GDAP1L1: variants seen among roughly 807,000 people sequenced by gnomAD.
The protein encoded by GDAP1L1 is ganglioside-induced differentiation-associated protein 1-like 1.
GDAP1L1 carries 21 observed loss-of-function variants against 37.1 expected under a neutral mutation model. That is an observed-to-expected ratio of 0.57 (90% CI 0.40 to 0.81). The LOEUF is 0.81. Ranked by LOEUF, GDAP1L1 falls within the 40% of genes least tolerant of loss-of-function variation. GDAP1L1 has a pLI of 0.00. For synonymous variants in GDAP1L1, 193 were observed against 209.1 expected (o/e 0.92, Z 0.67); for missense variants, 362 against 491.6 (o/e 0.74, Z 2.49).
chr20:44,269,103 T>C (rs2062486339), intron 5 of GDAP1L1, among the ~76,000 whole-genome samples: 1 of 152,154 alleles, frequency 6.6e-6, no homozygotes, highest in African/African-American at 2.4e-5. Context: ...AGACAGTAAA[T>C]GTTGATTACT....
intron 5 of GDAP1L1, among the ~76,000 whole-genome samples, chr20:44,274,345 C>A (rs191201501): frequency 6.6e-6 from 1 of 152,306 alleles, no homozygotes; most frequent in Non-Finnish European, 1.5e-5. Flanking sequence ...CTTGACTTGT[C>A]TCTCACTACT....
intron 5 of GDAP1L1, among the ~76,000 whole-genome samples, chr20:44,268,996 T>C (rs2062484822): frequency 6.6e-6 from 1 of 152,168 alleles, no homozygotes; most frequent in African/African-American, 2.4e-5. Context: ...TCATGATATG[T>C]GGCTTGGCAG....
intron 5 of GDAP1L1, among the ~76,000 whole-genome samples, chr20:44,278,698 A>T (rs1600573301): frequency 6.6e-6 from 1 of 152,208 alleles, no homozygotes; most frequent in Non-Finnish European, 1.5e-5. Context: ...TGCACTTTAA[A>T]AGTCAGCTGA....
At chr20:44,256,070 G>A (rs1403327707) in intron 1 of GDAP1L1, among the ~76,000 whole-genome samples, 1 of 152,218 alleles carries the variant, frequency 6.6e-6, no homozygotes, top group East Asian at 1.9e-4. Context: ...CTCCCTGGAA[G>A]GAGCCCTCAG....
chr20:44,266,310 G>T (rs2073760857), intron 5 of GDAP1L1, among the ~76,000 whole-genome samples: 1 of 148,600 alleles, frequency 6.7e-6, no homozygotes, highest in Non-Finnish European at 1.5e-5. Flanking sequence ...TCCATCCCCT[G>T]CCCCCCAACC....
intron 5 of GDAP1L1, among the ~76,000 whole-genome samples, chr20:44,267,555 G>A (rs1189731358): frequency 6.6e-6 from 1 of 151,234 alleles, no homozygotes; most frequent in African/African-American, 2.4e-5. Flanking sequence ...AGGTTGCAGT[G>A]AGCTGAGATT....
intron 5 of GDAP1L1, among the ~76,000 whole-genome samples, chr20:44,278,235 G>A (rs918639304): frequency 2.0e-5 from 3 of 152,050 alleles, no homozygotes; most frequent in Non-Finnish European, 4.4e-5. Context: ...CTGCAAGGGT[G>A]GAGGTTCCAT....
intron 5 of GDAP1L1, among the ~76,000 whole-genome samples, chr20:44,277,636 T>C (rs2062597342): frequency 6.6e-6 from 1 of 152,168 alleles, no homozygotes; most frequent in African/African-American, 2.4e-5. Context: ...ACATTTAAAC[T>C]TTAACATGAC....
chr20:44,259,365 C>A (rs1034842834), intron 3 of GDAP1L1, among the ~76,000 whole-genome samples: 1 of 152,168 alleles, frequency 6.6e-6, no homozygotes. Context: ...AATAGGTGCT[C>A]AGTGAATGGT....
At chr20:44,276,459 A>AGAAAGAAAGAAAGAAAGAAG in intron 5 of GDAP1L1, among the ~76,000 whole-genome samples, 1 of 150,290 alleles carries the variant, frequency 6.7e-6, no homozygotes, top group African/African-American at 2.5e-5. Flanking sequence ...AAAGAAAGAA[A>AGAAAGAAAGAAAGAAAGAAG]GAAAGAAAAA....
At chr20:44,254,144 A>G (rs1170458850) in intron 1 of GDAP1L1, among the ~76,000 whole-genome samples, 1 of 152,194 alleles carries the variant, frequency 6.6e-6, no homozygotes, top group African/African-American at 2.4e-5. Flanking sequence ...CAGGCCGCCC[A>G]TGAGCTCAAA....
At chr20:44,254,444 G>A (rs868276812) in intron 1 of GDAP1L1, among the ~76,000 whole-genome samples, 1 of 152,196 alleles carries the variant, frequency 6.6e-6, no homozygotes, top group Non-Finnish European at 1.5e-5. Flanking sequence ...CAGACAGAAC[G>A]AGAAGCTCCC....
intron 5 of GDAP1L1, among the ~76,000 whole-genome samples, chr20:44,276,456 G>GAAAGAAAGAAAGAAAGAA (rs1555801209): frequency 9.5e-4 from 143 of 150,166 alleles, no homozygotes; most frequent in South Asian, 2.8e-3. Context: ...AAGAAAGAAA[G>GAAAGAAAGAAAGAAAGAA]AAAGAAAGAA....
intron 5 of GDAP1L1, among the ~76,000 whole-genome samples, chr20:44,272,520 G>A (rs2062529331): frequency 6.6e-6 from 1 of 152,196 alleles, no homozygotes. Flanking sequence ...GCCCTCCTGG[G>A]CTTTGCGGTC....
At chr20:44,273,198 G>A (rs2062538238) in intron 5 of GDAP1L1, among the ~76,000 whole-genome samples, 4 of 152,164 alleles carry the variant, frequency 2.6e-5, no homozygotes, top group African/African-American at 9.7e-5. Context: ...TCTGTGCCTC[G>A]ATTGCCTCAT....
Position 44,279,495 on chromosome 20 carries a change from C to T in GDAP1L1, c.*195C>T, listed in dbSNP as rs1339058738. ...TTGCCAATGCTGTGACTCAAGGCCA[C>T]GGCTCTACTAAAAGAGAGAGAGGAA... On this transcript the variant is annotated 3_prime_UTR_variant, in exon 6 of 6. Coordinates refer to ENST00000342560, the MANE Select transcript of GDAP1L1 (RefSeq NM_024034.6). 4 of 708,220 alleles carry T rather than the reference C, an allele frequency of 5.6e-6. No individual in the cohort carries two copies. Among genetic ancestry groups the T allele is most frequent in the Admixed American group, 2.0e-5 (1 of 49,724 alleles). 43.9% of individuals were successfully genotyped at this position (708,220 alleles called of 1,614,324 possible).
chr20:44,267,516 C>T (rs1170578737), intron 5 of GDAP1L1, among the ~76,000 whole-genome samples: 7 of 151,392 alleles, frequency 4.6e-5, no homozygotes, highest in Non-Finnish European at 1.5e-5. Flanking sequence ...GAGGCTGAGG[C>T]AGGAGAATCA....
intron 5 of GDAP1L1, chr20:44,265,151 C>T: frequency 3.0e-6 from 3 of 985,418 alleles, no homozygotes; most frequent in Non-Finnish European, 3.6e-6. Flanking sequence ...CATTATAGCT[C>T]CTTCGTGCTC....
At chr20:44,278,595 G>A (rs2062608980) in intron 5 of GDAP1L1, among the ~76,000 whole-genome samples, 1 of 152,058 alleles carries the variant, frequency 6.6e-6, no homozygotes, top group South Asian at 2.1e-4. Flanking sequence ...TGGCCAGGCT[G>A]GTCTTGAACT....
Sources: allele counts gnomAD v4.1 joint callset (sites outside exome capture counted in the v4.1 genomes callset), GRCh38; gene constraint gnomAD v4.1.1; transcripts MANE v1.5; gene names NCBI Gene and HGNC (gene_info 2026-07-23, HGNC 2026-07-21).